Variants in PTPRH observed in about 807,000 individuals in gnomAD.
PTPRH encodes the protein receptor-type tyrosine-protein phosphatase H.
A neutral mutation model predicts 130.2 loss-of-function variants in PTPRH; 113 were observed. That is an observed-to-expected ratio of 0.87 (90% CI 0.75 to 1.01). The LOEUF (loss-of-function observed/expected upper bound fraction) is 1.01. PTPRH is among the 50% of genes least tolerant of loss of function. The probability of loss-of-function intolerance (pLI) is 0.00; values close to 1 mark genes in which losing one functional copy is unlikely to be tolerated. For synonymous variants in PTPRH, 556 were observed against 577.9 expected (o/e 0.96, Z 0.54); for missense variants, 1,430 against 1,425.0 (o/e 1.00, Z -0.06).
At chr19:55,203,001 A>G (rs1015714707) in intron 5 of PTPRH, among the ~76,000 whole-genome samples, 2 of 147,460 alleles carry the variant, frequency 1.4e-5, no homozygotes, top group African/African-American at 5.1e-5. Context: ...TCATGCCACT[A>G]CATTTCAGCC....
At chr19:55,190,534 A>AATATATATAATATATAATATATT (rs1296673453) in intron 12 of PTPRH, among the ~76,000 whole-genome samples, 1 of 137,670 alleles carries the variant, frequency 7.3e-6, no homozygotes, top group African/African-American at 2.7e-5. Flanking sequence ...TATATTGTAT[A>AATATATATAATATATAATATATT]ATATATATAA....
chr19:55,181,823 C>T lies in PTPRH; in HGVS notation c.3279G>A (p.Pro1093=), dbSNP rs377244518. The change falls in exon 20 of 20, where the codon CCG becomes CCA. Residue 1093 remains proline, a synonymous_variant. Transcript: ENST00000376350. ...SAQAPAEKEV[P]YEDVENLIYE... is the part of the protein sequence containing the mutation. The stretch of plus-strand genomic sequence containing the variant: ...AGATGAGGTTTTCGACATCCTCATA[C>T]GGGACTTCCTTCTCGGCTGGGGCCT... 6.6e-5 allele frequency: 107 copies of T among 1,614,176 alleles called. 1 individual carries two copies. Among genetic ancestry groups the T allele is most frequent in the Admixed American group, 4.3e-4 (26 of 60,014 alleles).
intron 1 of PTPRH, 97 bp from the exon 2 acceptor site, chr19:55,207,296 G>A (rs1600086549): frequency 7.4e-7 from 1 of 1,360,116 alleles, no homozygotes; most frequent in East Asian, 2.5e-5. Context: ...CCCGCCCCAT[G>A]AGTCACCCTT....
chr19:55,186,053 C>A (rs2086314122), intron 16 of PTPRH, 69 bp from the exon 17 acceptor site: 1 of 1,608,752 alleles, frequency 6.2e-7, no homozygotes, highest in African/African-American at 1.3e-5. Context: ...GCTTTAGGCC[C>A]CAAATGTGAA....
chr19:55,199,330 C>T (rs1414283819), intron 7 of PTPRH, among the ~76,000 whole-genome samples: 3 of 149,090 alleles, frequency 2.0e-5, no homozygotes, highest in Non-Finnish European at 4.5e-5. Flanking sequence ...AGAGAGAGGC[C>T]GGGCGCAGTG....
rs1384773095 is a variant in PTPRH, at chr19:55,181,807, T to C, written c.3295A>G (p.Asn1099Asp). ...GCGGCCACGTTCTCGTAGATGAGGTTTTCGACATCCTCATACGGGACTTCC... is the reference window on the plus strand; with the variant it reads ...GCGGCCACGTTCTCGTAGATGAGGTCTTCGACATCCTCATACGGGACTTCC... ...EKEVPYEDVE[N>D]LIYENVAAIQ... The change falls in exon 20 of 20, where the codon AAC becomes GAC. Residue 1099 changes from asparagine (N) to aspartate (D), a missense_variant. Transcript: ENST00000376350. The C allele has an allele frequency of 1.2e-6, 2 of 1,614,034 alleles. No homozygotes were observed. Among genetic ancestry groups the C allele is most frequent in the African/African-American group, 2.7e-5 (2 of 74,924 alleles).
At chr19:55,187,428 C>A in intron 14 of PTPRH, 85 bp downstream of exon 14, 4 of 966,614 alleles carry the variant, frequency 4.1e-6, no homozygotes, top group African/African-American at 1.7e-5. Flanking sequence ...GGACTTGTTT[C>A]TCAAAGCGGG....
At chr19:55,192,011 T>A in intron 10 of PTPRH, 1 of 604,838 alleles carries the variant, frequency 1.7e-6, no homozygotes, top group Non-Finnish European at 3.1e-6. Flanking sequence ...GAGGAAGACC[T>A]TTATGATGAT....
intron 8 of PTPRH, 103 bp from the exon 9 acceptor site, chr19:55,197,519 T>C: frequency 9.2e-7 from 1 of 1,089,452 alleles, no homozygotes; most frequent in South Asian, 1.5e-5. Context: ...CCATTATTGA[T>C]GGCTCCAGTG....
chr19:55,191,907 T>G, intron 10 of PTPRH, 166 bp from the exon 11 acceptor site: 1 of 704,356 alleles, frequency 1.4e-6, no homozygotes. Flanking sequence ...CTTACGCGCT[T>G]ACCCATGGAT....
intron 5 of PTPRH, among the ~76,000 whole-genome samples, chr19:55,203,132 T>G (rs2086920550): frequency 1.3e-5 from 2 of 149,984 alleles, no homozygotes; most frequent in South Asian, 2.1e-4. Context: ...ATCGAGACCA[T>G]CCTGGCTAAC....
chr19:55,191,117 C>T (rs1416909893), intron 12 of PTPRH, among the ~76,000 whole-genome samples: 1 of 152,214 alleles, frequency 6.6e-6, no homozygotes, highest in Non-Finnish European at 1.5e-5. Context: ...GCTGGGATTA[C>T]AGGCATGAGC....
chr19:55,192,107 A>G (rs1322847132), intron 10 of PTPRH: 60 of 399,534 alleles, frequency 1.5e-4, no homozygotes, highest in Non-Finnish European at 1.5e-5. Flanking sequence ...TTATAAGAAT[A>G]CAGCATATAG....
chr19:55,184,025 C>T (rs868642755), intron 18 of PTPRH, among the ~76,000 whole-genome samples: 1 of 152,086 alleles, frequency 6.6e-6, no homozygotes, highest in Admixed American at 6.6e-5. Flanking sequence ...TGGTTCACGC[C>T]TGTAATCCCA....
chr19:55,186,097 G>A (rs765253594), intron 16 of PTPRH, 113 bp from the exon 17 acceptor site: 26 of 1,583,804 alleles, frequency 1.6e-5, no homozygotes, highest in Non-Finnish European at 2.2e-5. Flanking sequence ...GTGGGGAACA[G>A]GTCTACACTG....
rs769586690 is a variant in PTPRH at position 55,182,034 on chromosome 19, C to T, written c.3180G>A (p.Pro1060=). 2.9e-5 allele frequency: 46 copies of T among 1,613,988 alleles called. No individual in the cohort carries two copies. The highest frequency in any genetic ancestry group is 1.7e-4 in the Admixed American group (10 of 59,992). ...GCCTCACCTCAGTCTGCACCATCAA[C>T]GGCCGACTCTCTCTCATCTTCCTTA... ...SFVRKMRESR[P]LMVQTEAQYV... The change falls in exon 19 of 20, where the codon CCG becomes CCA. Residue 1060 remains proline (P), a synonymous_variant. Coordinates refer to ENST00000376350, the MANE Select transcript of PTPRH (RefSeq NM_002842.5).
intron 4 of PTPRH, 73 bp downstream of exon 4, chr19:55,205,253 G>T: frequency 1.3e-6 from 2 of 1,585,686 alleles, no homozygotes; most frequent in Non-Finnish European, 1.7e-6. Flanking sequence ...CTATGGAATA[G>T]AAATCCGCTA....
At chr19:55,198,206 AC>A (rs2086746327) in intron 8 of PTPRH, among the ~76,000 whole-genome samples, 1 of 152,112 alleles carries the variant, frequency 6.6e-6, no homozygotes, top group South Asian at 2.1e-4. Context: ...ACAGAGCAAG[AC>A]CCTGTCACAC....
At position 55,196,771 on chromosome 19, in the gene PTPRH, T is replaced by A; in HGVS notation, c.2008A>T (p.Ile670Phe). 2.5e-6 allele frequency: 4 copies of A among 1,613,690 alleles called. No individual in the cohort carries two copies. Among genetic ancestry groups the A allele is most frequent in the Non-Finnish European group, 3.4e-6 (4 of 1,179,636 alleles). The change falls in exon 10 of 20, where the codon ATC becomes TTC. Residue 670 changes from isoleucine to phenylalanine, a missense_variant. Physicochemically the swap from Ile to Phe is conservative, Grantham distance 21. Coordinates refer to ENST00000376350, the MANE Select transcript of PTPRH (RefSeq NM_002842.5). ...GCTGAGGTGCTGACACAGGAAGTGA[T>A]GGTGACTGTGTCTGGGTCTGGGTGA... Reference protein sequence around the residue: ...CASTYPDTVTITSCVSTSAGY... With the variant: ...CASTYPDTVTFTSCVSTSAGY...
Sources: allele counts gnomAD v4.1 joint callset (sites outside exome capture counted in the v4.1 genomes callset), GRCh38; gene constraint gnomAD v4.1.1; transcripts MANE v1.5; gene names NCBI Gene and HGNC (gene_info 2026-07-23, HGNC 2026-07-21).